Variants in GRM8 observed in about 807,000 individuals in gnomAD.
The protein encoded by GRM8 is glutamate metabotropic receptor 8, also known as metabotropic glutamate receptor 8.
A neutral mutation model predicts 87.2 loss-of-function variants in GRM8; 47 were observed. The observed-to-expected ratio is 0.54, with a 90% CI of 0.43 to 0.69. The LOEUF is 0.69. Ranked by LOEUF, GRM8 falls within the 30% of genes least tolerant of loss-of-function variation. GRM8 has a pLI of 0.00. For missense variants in GRM8, 1,019 were observed against 1,139.2 expected (o/e 0.89, Z 1.52); for synonymous variants, 396 against 404.5 (o/e 0.98, Z 0.25).
chr7:127,001,978 T>G (rs1432836349), intron 3 of GRM8, among the ~76,000 whole-genome samples: 1 of 151,812 alleles, frequency 6.6e-6, no homozygotes, highest in East Asian at 1.9e-4. Flanking sequence ...AACTCTAAAA[T>G]AAGCAAAACT....
chr7:126,912,828 C>G (rs551011928), intron 3 of GRM8, among the ~76,000 whole-genome samples: 1 of 152,154 alleles, frequency 6.6e-6, no homozygotes, highest in South Asian at 2.1e-4. Context: ...CTATTGTTTG[C>G]CTTATAAGGC....
At chr7:126,778,926 CTA>C (rs1241502465) in intron 6 of GRM8, among the ~76,000 whole-genome samples, 5 of 151,778 alleles carry the variant, frequency 3.3e-5, no homozygotes, top group African/African-American at 1.2e-4. Context: ...AAAAAAAAAT[CTA>C]TTAGCCTCCC....
At chr7:126,485,836 C>G (rs1468102612) in intron 9 of GRM8, among the ~76,000 whole-genome samples, 4 of 151,854 alleles carry the variant, frequency 2.6e-5, no homozygotes, top group African/African-American at 9.7e-5. Context: ...CATTATACTC[C>G]CTCCTTTTTG....
intron 7 of GRM8, among the ~76,000 whole-genome samples, chr7:126,661,831 A>T (rs1805208241): frequency 6.6e-6 from 1 of 152,228 alleles, no homozygotes; most frequent in African/African-American, 2.4e-5. Flanking sequence ...GAAGTAAAAA[A>T]GCTCCCTAAC....
chr7:126,858,413 C>T (rs1797869137), intron 6 of GRM8, among the ~76,000 whole-genome samples: 1 of 152,190 alleles, frequency 6.6e-6, no homozygotes, highest in South Asian at 2.1e-4. Context: ...CTGCCTGCCC[C>T]TCCAACCTTA....
chr7:126,948,860 T>C (rs1421700893), intron 3 of GRM8, among the ~76,000 whole-genome samples: 1 of 152,226 alleles, frequency 6.6e-6, no homozygotes, highest in East Asian at 1.9e-4. Flanking sequence ...AAGAGAAGCA[T>C]GAACTTGGGG....
At chr7:126,583,970 C>T (rs943644260) in intron 8 of GRM8, among the ~76,000 whole-genome samples, 1 of 152,094 alleles carries the variant, frequency 6.6e-6, no homozygotes, top group African/African-American at 2.4e-5. Context: ...ACGAAAGAGT[C>T]CATTTATATG....
At chr7:126,501,448 C>T (rs1809632517) in intron 9 of GRM8, among the ~76,000 whole-genome samples, 1 of 151,968 alleles carries the variant, frequency 6.6e-6, no homozygotes, top group South Asian at 2.1e-4. Context: ...CCAAAAGATA[C>T]CTGCACTGAG....
intron 9 of GRM8, among the ~76,000 whole-genome samples, chr7:126,522,642 C>T (rs936168576): frequency 6.6e-6 from 1 of 152,186 alleles, no homozygotes; most frequent in Non-Finnish European, 1.5e-5. Context: ...GGTTTTTGGT[C>T]ACAGGTTTTA....
At chr7:126,688,068 C>A in intron 7 of GRM8, among the ~76,000 whole-genome samples, 1 of 152,050 alleles carries the variant, frequency 6.6e-6, no homozygotes, top group East Asian at 1.9e-4. Context: ...TTGCAAATAT[C>A]CTATCACATT....
At chr7:127,209,008 C>T (rs1046733666) in intron 2 of GRM8, among the ~76,000 whole-genome samples, 6 of 152,144 alleles carry the variant, frequency 3.9e-5, no homozygotes, top group Non-Finnish European at 7.3e-5. Flanking sequence ...GTTTCAACAT[C>T]GGGGATATAA....
intron 2 of GRM8, among the ~76,000 whole-genome samples, chr7:127,192,256 T>C (rs1429725615): frequency 6.6e-6 from 1 of 152,226 alleles, no homozygotes; most frequent in East Asian, 1.9e-4. Flanking sequence ...TGCTACCAAA[T>C]TATGCATCAT....
chr7:126,670,365 G>A (rs1326968004), intron 7 of GRM8, among the ~76,000 whole-genome samples: 1 of 151,956 alleles, frequency 6.6e-6, no homozygotes, highest in Non-Finnish European at 1.5e-5. Context: ...GTTATATCTT[G>A]GTGGATAATA....
chr7:127,218,099 T>C (rs1391252263), intron 2 of GRM8, among the ~76,000 whole-genome samples: 3 of 152,236 alleles, frequency 2.0e-5, no homozygotes, highest in Non-Finnish European at 4.4e-5. Flanking sequence ...AATTCTTTCT[T>C]ATTCACCCTC....
At chr7:126,580,127 G>A (rs1269694327) in intron 8 of GRM8, among the ~76,000 whole-genome samples, 2 of 151,960 alleles carry the variant, frequency 1.3e-5, no homozygotes, top group South Asian at 2.1e-4. Flanking sequence ...TTTTCTCTGA[G>A]GGCCATCTTT....
intron 8 of GRM8, among the ~76,000 whole-genome samples, chr7:126,560,564 G>T (rs1440019691): frequency 6.6e-6 from 1 of 152,128 alleles, no homozygotes; most frequent in African/African-American, 2.4e-5. Context: ...AAGATTTACT[G>T]ATCAAAATTC....
At chr7:127,118,205 C>T (rs1038367884) in intron 2 of GRM8, 3 of 152,136 alleles carry the variant, frequency 2.0e-5, no homozygotes, top group Non-Finnish European at 4.4e-5. Flanking sequence ...CGTCTTCATT[C>T]GAGCTCCATT....
At chr7:126,874,837 T>G (rs1196928573) in intron 6 of GRM8, among the ~76,000 whole-genome samples, 2 of 152,176 alleles carry the variant, frequency 1.3e-5, no homozygotes, top group African/African-American at 2.4e-5. Context: ...CAGTCCATGT[T>G]GCAGGACCTT....
At chr7:126,648,621 C>G (rs1236648880) in intron 7 of GRM8, among the ~76,000 whole-genome samples, 1 of 152,206 alleles carries the variant, frequency 6.6e-6, no homozygotes, top group Non-Finnish European at 1.5e-5. Flanking sequence ...AAAGGCAAAT[C>G]TGGCTAATTT....
Sources: allele counts gnomAD v4.1 joint callset (sites outside exome capture counted in the v4.1 genomes callset), GRCh38; gene constraint gnomAD v4.1.1; transcripts MANE v1.5; gene names NCBI Gene and HGNC (gene_info 2026-07-23, HGNC 2026-07-21).